Variants in ATP11B observed in about 807,000 individuals in gnomAD.
The protein encoded by ATP11B is phospholipid-transporting ATPase IF.
A neutral mutation model predicts 157.8 loss-of-function variants in ATP11B; 81 were observed. The observed-to-expected ratio is 0.51, with a 90% CI of 0.43 to 0.62. The LOEUF is 0.62. Ranked by LOEUF, ATP11B falls within the 20% of genes least tolerant of loss-of-function variation. The pLI is 0.00. For missense variants in ATP11B, 1,165 were observed against 1,402.2 expected (o/e 0.83, Z 2.70); for synonymous variants, 451 against 469.4 (o/e 0.96, Z 0.51).
Position 182,884,872 on chromosome 3 carries a change from ACC to A in ATP11B, c.2631_2632del (p.Leu878CysfsTer7). 6.8e-7 allele frequency: 1 copy of A among 1,478,228 alleles called. No individual in the cohort carries two copies. Among genetic ancestry groups the A allele is most frequent in the Non-Finnish European group, 9.2e-7 (1 of 1,084,828 alleles). The allele number at this position is 1,478,228 out of a possible 1,614,324, so 91.6% of individuals were successfully genotyped here. ...HGHFYYIRIA[T>X]LVQYFFYKNV... is the part of the protein sequence containing the mutation. ...TCATTTTTATTATATTAGAATAGCT[ACC>A]CTTGTACAGTATTTTTTTTATAAGG... On this transcript the variant is annotated frameshift_variant, in exon 22 of 30. Coordinates refer to ENST00000323116, the MANE Select transcript of ATP11B (RefSeq NM_014616.3). LOFTEE classifies it high-confidence loss of function.
At position 182,830,421 on chromosome 3, in the gene ATP11B, A is replaced by G. The variant is rs997283646; in HGVS notation, c.315+669A>G. 2.6e-5 allele frequency among the ~76,000 whole-genome samples: 4 copies of G among 152,304 alleles called. No individual in the cohort carries two copies. In the East Asian group the frequency reaches 7.7e-4, roughly 29 times the overall value. On this transcript the variant is annotated intron_variant, in intron 4 of 29. Coordinates refer to ENST00000323116, the MANE Select transcript of ATP11B (RefSeq NM_014616.3). ...TTTTCCCCCTGGGGAAATATTTTCA[A>G]TCAGAGCATGAATTGACATTAAAAT...
At chr3:182,856,884 A>G (rs1439205049) in intron 10 of ATP11B, among the ~76,000 whole-genome samples, 1 of 152,282 alleles carries the variant, frequency 6.6e-6, no homozygotes, top group East Asian at 1.9e-4. Context: ...TTCCCTCAAT[A>G]TTTGTTGGAT....
At chr3:182,805,344 T>A (rs369388012) in intron 1 of ATP11B, among the ~76,000 whole-genome samples, 1 of 152,232 alleles carries the variant, frequency 6.6e-6, no homozygotes, top group East Asian at 1.9e-4. Context: ...AGTATCTTAC[T>A]GCGATTTTGG....
intron 10 of ATP11B, among the ~76,000 whole-genome samples, chr3:182,855,547 C>T (rs1333948554): frequency 1.3e-5 from 2 of 152,120 alleles, no homozygotes; most frequent in Non-Finnish European, 2.9e-5. Context: ...CAAAGTTAAA[C>T]ACTTTGGTGC....
At chr3:182,889,071 C>CAGGA (rs1722993367) in intron 24 of ATP11B, among the ~76,000 whole-genome samples, 1 of 151,858 alleles carries the variant, frequency 6.6e-6, no homozygotes, top group African/African-American at 2.4e-5. Context: ...CCATGTTGGC[C>CAGGA]AGGATGGTCT....
Position 182,831,537 on chromosome 3 carries a change from TAC to T in ATP11B, c.315+1787_315+1788del, listed in dbSNP as rs1718140408. Among the ~76,000 whole-genome samples, 3 of 151,532 alleles carry T rather than the reference TAC, an allele frequency of 2.0e-5. No homozygotes were observed. In the South Asian group the frequency reaches 6.3e-4, roughly 32 times the overall value. ...AGTGATCTACAAAGACATAAAGACG[TAC>T]AGAGTCTAGACCCTGGTTCCTTCTT... On this transcript the variant is annotated intron_variant, in intron 4 of 29. Coordinates refer to ENST00000323116, the MANE Select transcript of ATP11B (RefSeq NM_014616.3).
intron 29 of ATP11B, chr3:182,915,118 G>A (rs2108598888): frequency 3.0e-6 from 3 of 984,932 alleles, no homozygotes; most frequent in Non-Finnish European, 2.4e-6. Flanking sequence ...AAAAAATGAT[G>A]AGTATGATAT....
chr3:182,862,307 G>A (rs1720904602), intron 12 of ATP11B, among the ~76,000 whole-genome samples: 3 of 151,708 alleles, frequency 2.0e-5, no homozygotes, highest in Admixed American at 2.0e-4. Context: ...AAAACCTCAG[G>A]CACTAATATG....
intron 1 of ATP11B, among the ~76,000 whole-genome samples, chr3:182,806,856 A>G (rs1417254850): frequency 6.6e-6 from 1 of 152,114 alleles, no homozygotes; most frequent in Non-Finnish European, 1.5e-5. Context: ...CCCAAGCACA[A>G]TACTACTAAT....
At chr3:182,907,051 C>T (rs1194799643) in intron 28 of ATP11B, among the ~76,000 whole-genome samples, 2 of 150,778 alleles carry the variant, frequency 1.3e-5, no homozygotes, top group African/African-American at 4.9e-5. Flanking sequence ...TGAGATGGCA[C>T]CACTGCACTC....
chr3:182,898,889 A>G lies in ATP11B; in HGVS notation c.3318+117A>G, dbSNP rs188866013. On this transcript the variant is annotated intron_variant, in intron 28 of 29. Coordinates refer to ENST00000323116, the MANE Select transcript of ATP11B (RefSeq NM_014616.3). ...TAGGAAATTAGCCATTCCTGTTTCA[A>G]CTATTTTGTAACATAAACATTGTTC... The G allele has an allele frequency of 7.1e-5, 46 of 652,400 alleles. No homozygotes were observed. The African/African-American group carries it at 7.4e-4, about 10-fold the overall frequency. 40.4% of individuals were successfully genotyped at this position (652,400 alleles called of 1,614,324 possible).
intron 1 of ATP11B, among the ~76,000 whole-genome samples, chr3:182,801,453 T>C (rs1042513891): frequency 1.3e-5 from 2 of 152,232 alleles, no homozygotes; most frequent in East Asian, 1.9e-4. Context: ...ATTCTTTCTT[T>C]AAGCATTATG....
At chr3:182,879,125 T>A (rs1722249955) in intron 19 of ATP11B, among the ~76,000 whole-genome samples, 1 of 151,994 alleles carries the variant, frequency 6.6e-6, no homozygotes, top group Non-Finnish European at 1.5e-5. Flanking sequence ...TAACAAAAAT[T>A]AGCCAATCAT....
At chr3:182,849,612 A>G (rs9832401) in intron 10 of ATP11B, among the ~76,000 whole-genome samples, 78,870 of 152,034 alleles carry the variant, frequency 0.52, 23,281 homozygotes, top group Non-Finnish European at 0.67. Flanking sequence ...AAACATAATT[A>G]CTAAAATGGA....
At chr3:182,894,089 A>G (rs1723355222) in intron 25 of ATP11B, among the ~76,000 whole-genome samples, 1 of 152,124 alleles carries the variant, frequency 6.6e-6, no homozygotes, top group Non-Finnish European at 1.5e-5. Flanking sequence ...GTCCTTTGTC[A>G]GAAGTGTAGA....
At chr3:182,808,826 ATTG>A (rs1716482963) in intron 1 of ATP11B, among the ~76,000 whole-genome samples, 1 of 152,164 alleles carries the variant, frequency 6.6e-6, no homozygotes, top group South Asian at 2.1e-4. Flanking sequence ...AGTTTCTCTT[ATTG>A]TTAACATTTT....
intron 29 of ATP11B, chr3:182,915,117 T>A (rs1725054374): frequency 1.0e-6 from 1 of 985,224 alleles, no homozygotes; most frequent in Admixed American, 6.2e-5. Context: ...AAAAAAATGA[T>A]GAGTATGATA....
chr3:182,865,404 C>T (rs1336656707), intron 12 of ATP11B, 52 bp from the exon 13 acceptor site: 4 of 1,574,244 alleles, frequency 2.5e-6, no homozygotes, highest in African/African-American at 2.7e-5. Flanking sequence ...TCTTGTTTAA[C>T]ATAGGACCAT....
intron 1 of ATP11B, among the ~76,000 whole-genome samples, chr3:182,799,325 C>T (rs987788656): frequency 2.0e-5 from 3 of 150,896 alleles, no homozygotes; most frequent in African/African-American, 7.4e-5. Context: ...TTCGCCCAGG[C>T]GGAGTGCAGT....
Sources: allele counts gnomAD v4.1 joint callset (sites outside exome capture counted in the v4.1 genomes callset), GRCh38; gene constraint gnomAD v4.1.1; transcripts MANE v1.5; gene names NCBI Gene and HGNC (gene_info 2026-07-23, HGNC 2026-07-21).